INSYN2B: variants seen among roughly 807,000 people sequenced by gnomAD.
INSYN2B encodes the protein protein INSYN2B.
Under a neutral mutation model 41.2 loss-of-function variants are expected in INSYN2B, and 16 were observed. That is an observed-to-expected ratio of 0.39 (90% confidence interval 0.26 to 0.59). INSYN2B has a LOEUF of 0.59. Among genes scored for constraint, INSYN2B ranks in the 20% least tolerant of loss-of-function variants. The probability of loss-of-function intolerance (pLI) is 0.57; values close to 1 mark genes in which losing one functional copy is unlikely to be tolerated. For synonymous variants in INSYN2B, 245 were observed against 244.4 expected, an observed-to-expected ratio of 1.00 and a Z score of -0.02; for missense variants, 608 against 646.4, an observed-to-expected ratio of 0.94 and a Z score of 0.64.
chr5:169,929,761 A>C (rs1055354075), intron 1 of INSYN2B, among the ~76,000 whole-genome samples: 1 of 149,516 alleles, frequency 6.7e-6, no homozygotes, highest in African/African-American at 2.5e-5. Context: ...AAAAAAAAAA[A>C]AGAGAGAGAG....
At chr5:169,876,331 C>T (rs971090227) in intron 3 of INSYN2B, among the ~76,000 whole-genome samples, 6 of 152,224 alleles carry the variant, frequency 3.9e-5, no homozygotes, top group Non-Finnish European at 8.8e-5. Context: ...ATTTTGCCTA[C>T]AAGCCTGGGT....
At chr5:169,955,379 G>A (rs1207275370) in intron 1 of INSYN2B, among the ~76,000 whole-genome samples, 1 of 152,112 alleles carries the variant, frequency 6.6e-6, no homozygotes, top group African/African-American at 2.4e-5. Flanking sequence ...TTCAATAAGT[G>A]TTAAAGGAAG....
At chr5:169,910,857 C>T (rs1194678298) in intron 1 of INSYN2B, among the ~76,000 whole-genome samples, 1 of 152,190 alleles carries the variant, frequency 6.6e-6, no homozygotes, top group Non-Finnish European at 1.5e-5. Flanking sequence ...TCTCTCCAGC[C>T]CACCTAGTCG....
At chr5:169,864,601 C>T (rs261027) in intron 3 of INSYN2B, 142 bp from the exon 4 acceptor site, 54,448 of 673,400 alleles carry the variant, frequency 0.081, 3,796 homozygotes, top group African/African-American at 0.3. Flanking sequence ...GGCTCTTTGA[C>T]CTTGGGAAAG....
At chr5:169,910,575 G>A (rs1774539739) in intron 1 of INSYN2B, among the ~76,000 whole-genome samples, 1 of 152,052 alleles carries the variant, frequency 6.6e-6, no homozygotes, top group African/African-American at 2.4e-5. Flanking sequence ...GCTCCTCCGA[G>A]GTTCACTGCA....
chr5:169,871,973 T>C (rs1244958599), intron 3 of INSYN2B, among the ~76,000 whole-genome samples: 1 of 152,184 alleles, frequency 6.6e-6, no homozygotes, highest in Non-Finnish European at 1.5e-5. Flanking sequence ...TGCTGATGTC[T>C]CCAGTGAGCC....
rs376410405 is a variant in INSYN2B, at chr5:169,878,171, G to T, written c.1421+3197C>A. On this transcript the variant is annotated intron_variant, in intron 3 of 3. Coordinates refer to ENST00000377365, the MANE Select transcript of INSYN2B (RefSeq NM_001129891.3). ...AAAGTAGAGAAGGGAGTGAGGGAAG[G>T]AGGAGCAAGTGGCTTAGAGGGACCT... is the stretch of plus-strand genomic sequence containing the variant. Among the ~76,000 whole-genome samples the T allele has an allele frequency of 3.0e-4, 45 of 152,272 alleles. No homozygotes were observed. In the East Asian group the frequency reaches 4.8e-3, roughly 16 times the overall value.
chr5:169,939,053 A>G (rs1415689192), intron 1 of INSYN2B, among the ~76,000 whole-genome samples: 2 of 151,352 alleles, frequency 1.3e-5, no homozygotes, highest in Non-Finnish European at 2.9e-5. Flanking sequence ...ACAGGCATGC[A>G]CCACCACGCC....
chr5:169,919,031 T>C (rs1775031328), intron 1 of INSYN2B, among the ~76,000 whole-genome samples: 1 of 152,236 alleles, frequency 6.6e-6, no homozygotes, highest in Admixed American at 6.5e-5. Context: ...AGTGATGGGT[T>C]TGGATTCAAT....
intron 3 of INSYN2B, chr5:169,875,121 G>A (rs983989251): frequency 1.8e-5 from 8 of 443,182 alleles, no homozygotes; most frequent in African/African-American, 1.4e-4. Context: ...TTTATTCATG[G>A]GCTGGTTGTC....
At chr5:169,943,680 T>C (rs1776330450) in intron 1 of INSYN2B, among the ~76,000 whole-genome samples, 2 of 152,142 alleles carry the variant, frequency 1.3e-5, no homozygotes, top group Admixed American at 6.5e-5. Context: ...GTTCTCAAGG[T>C]GTGGTCCTGG....
At chr5:169,969,581 T>C (rs897097236) in intron 1 of INSYN2B, among the ~76,000 whole-genome samples, 3 of 152,076 alleles carry the variant, frequency 2.0e-5, no homozygotes, top group South Asian at 4.2e-4. Context: ...GAATTCAGAG[T>C]GGACAGCTTT....
intron 1 of INSYN2B, among the ~76,000 whole-genome samples, chr5:169,977,451 C>T (rs1777755559): frequency 6.6e-6 from 1 of 152,196 alleles, no homozygotes; most frequent in African/African-American, 2.4e-5. Context: ...CGAGGGCTTT[C>T]CGTATTCTAA....
chr5:169,882,341 A>G (rs1772703313), intron 2 of INSYN2B, among the ~76,000 whole-genome samples: 1 of 152,212 alleles, frequency 6.6e-6, no homozygotes, highest in Admixed American at 6.5e-5. Context: ...GAAAACAAAC[A>G]GCAGTAGAAA....
At chr5:169,865,687 G>A (rs974665690) in intron 3 of INSYN2B, among the ~76,000 whole-genome samples, 3 of 152,222 alleles carry the variant, frequency 2.0e-5, no homozygotes, top group African/African-American at 7.2e-5. Context: ...GCCAGCGTGG[G>A]AGTGTGGGAA....
At chr5:169,941,230 T>C (rs1000022789) in intron 1 of INSYN2B, among the ~76,000 whole-genome samples, 2 of 152,162 alleles carry the variant, frequency 1.3e-5, no homozygotes, top group Non-Finnish European at 2.9e-5. Flanking sequence ...TTTTTTGATG[T>C]GGAGTTTTGC....
Position 169,899,371 on chromosome 5 carries a change from T to A in INSYN2B, c.-918-14555A>T, listed in dbSNP as rs575123475. Reference sequence around the variant, plus strand: ...GCAGCCAATTCATATTCTTTCTCCATGCCAAGAATCAGGTTCAATGAGACC... The same window carrying A: ...GCAGCCAATTCATATTCTTTCTCCAAGCCAAGAATCAGGTTCAATGAGACC... On this transcript the variant is annotated intron_variant, in intron 1 of 3. Transcript: ENST00000377365. 3.3e-5 allele frequency among the ~76,000 whole-genome samples: 5 copies of A among 152,282 alleles called. No individual in the cohort carries two copies. In the South Asian group the frequency reaches 1.0e-3, roughly 32 times the overall value.
In INSYN2B at chr5:169,926,950, C is replaced by T. The variant is rs192759749; in HGVS notation, c.-918-42134G>A. On this transcript the variant is annotated intron_variant, in intron 1 of 3. Transcript: ENST00000377365. ...AATAGGGAAGAACTAAAGCTTGGGG[C>T]AGAAATGAGGCTGGCTACTTTAGGT... 2.6e-5 allele frequency among the ~76,000 whole-genome samples: 4 copies of T among 152,276 alleles called. No homozygotes were observed. In the East Asian group the frequency reaches 7.7e-4, roughly 29 times the overall value.
chr5:169,906,662 T>C (rs751132018), intron 1 of INSYN2B, among the ~76,000 whole-genome samples: 25 of 152,162 alleles, frequency 1.6e-4, no homozygotes, highest in Non-Finnish European at 2.9e-4. Context: ...ACAAATTACC[T>C]TGATGAAAGT....
Sources: allele counts gnomAD v4.1 joint callset (sites outside exome capture counted in the v4.1 genomes callset), GRCh38; gene constraint gnomAD v4.1.1; transcripts MANE v1.5; gene names NCBI Gene and HGNC (gene_info 2026-07-23, HGNC 2026-07-21).